KCNU1: variants seen among roughly 807,000 people sequenced by gnomAD.
KCNU1 encodes the protein potassium channel subfamily U member 1.
KCNU1 carries 93 observed loss-of-function variants against 126.8 expected under a neutral mutation model. That is an observed-to-expected ratio of 0.73 (90% CI 0.62 to 0.87). KCNU1 has a LOEUF of 0.87. Ranked by LOEUF, KCNU1 falls within the 40% of genes least tolerant of loss-of-function variation. The probability of loss-of-function intolerance (pLI) is 0.00; values close to 1 mark genes in which losing one functional copy is unlikely to be tolerated. For missense variants in KCNU1, 1,330 were observed against 1,367.1 expected (o/e 0.97, Z 0.43); for synonymous variants, 523 against 494.2 (o/e 1.06, Z -0.77).
Position 36,833,965 on chromosome 8 carries a change from C to A in KCNU1, c.1212+306C>A, listed in dbSNP as rs77228705. 0.019 allele frequency among the ~76,000 whole-genome samples: 2,871 copies of A among 152,232 alleles called. 238 individuals are homozygous for A. In the East Asian group the frequency reaches 0.27, roughly 14 times the overall value. On this transcript the variant is annotated intron_variant, in intron 11 of 26. Transcript: ENST00000399881. The stretch of plus-strand genomic sequence containing the variant: ...AGAGGTCTGAAAAAGGTATGGATAG[C>A]AAGGTGTGTTTGATCTTACCACACA...
chr8:36,915,177 T>C (rs1283870206), intron 22 of KCNU1, among the ~76,000 whole-genome samples: 1 of 152,126 alleles, frequency 6.6e-6, no homozygotes, highest in Non-Finnish European at 1.5e-5. Flanking sequence ...GAAAGTGGGG[T>C]TCAAAGGGGG....
At chr8:36,796,464 A>G (rs577253428) in intron 2 of KCNU1, among the ~76,000 whole-genome samples, 3 of 152,338 alleles carry the variant, frequency 2.0e-5, no homozygotes, top group East Asian at 1.9e-4. Context: ...AGCTTCATTT[A>G]TAATTTTTTA....
At position 36,801,823 on chromosome 8, in the gene KCNU1, T is replaced by C. The variant is rs370632959; in HGVS notation, c.316-2204T>C. 1.2e-4 allele frequency among the ~76,000 whole-genome samples: 18 copies of C among 151,990 alleles called. No individual in the cohort carries two copies. The East Asian group carries it at 3.1e-3, about 26-fold the overall frequency. On this transcript the variant is annotated intron_variant, in intron 2 of 26. Transcript: ENST00000399881. ...TAACCTAGATTTTTAAAATGGAACT[T>C]ACAGGGCCAAGTGCCGTGGCTCACA... is the stretch of plus-strand genomic sequence containing the variant.
At chr8:36,908,029 T>C (rs577443410) in intron 20 of KCNU1, among the ~76,000 whole-genome samples, 1 of 152,282 alleles carries the variant, frequency 6.6e-6, no homozygotes, top group East Asian at 1.9e-4. Context: ...CCAGAGAGGT[T>C]AAGTAATTTG....
chr8:36,919,271 C>T (rs1040382821), intron 23 of KCNU1, among the ~76,000 whole-genome samples: 3 of 152,052 alleles, frequency 2.0e-5, no homozygotes, highest in African/African-American at 7.2e-5. Flanking sequence ...TCCTTTCCAG[C>T]AGTGACACCA....
At chr8:36,814,549 C>T in intron 8 of KCNU1, 172 bp downstream of exon 8, 1 of 578,104 alleles carries the variant, frequency 1.7e-6, no homozygotes, top group Non-Finnish European at 3.0e-6. Context: ...ACTGCATCCC[C>T]TGGAGCTCAG....
intron 7 of KCNU1, among the ~76,000 whole-genome samples, chr8:36,812,764 A>G (rs2130452506): frequency 1.3e-5 from 2 of 152,308 alleles, no homozygotes; most frequent in South Asian, 4.1e-4. Context: ...GACCCACAGA[A>G]GGCTGCCATC....
chr8:36,867,732 A>G (rs1345292905), intron 19 of KCNU1, among the ~76,000 whole-genome samples: 1 of 152,148 alleles, frequency 6.6e-6, no homozygotes, highest in African/African-American at 2.4e-5. Flanking sequence ...ATTCTTTAGC[A>G]CAGCTGTAAA....
intron 19 of KCNU1, among the ~76,000 whole-genome samples, chr8:36,865,619 A>T (rs1454416280): frequency 6.6e-6 from 1 of 151,314 alleles, no homozygotes; most frequent in Non-Finnish European, 1.5e-5. Context: ...TTAAAAAAAA[A>T]AAAAAAATGA....
At chr8:36,797,099 C>T (rs564729249) in intron 2 of KCNU1, among the ~76,000 whole-genome samples, 5 of 152,176 alleles carry the variant, frequency 3.3e-5, no homozygotes, top group Admixed American at 2.0e-4. Flanking sequence ...CAGGAGATTT[C>T]GGTTCAAACA....
chr8:36,928,371 G>T (rs1028351971), intron 24 of KCNU1, among the ~76,000 whole-genome samples: 2 of 152,034 alleles, frequency 1.3e-5, no homozygotes, highest in African/African-American at 4.8e-5. Context: ...ATGGCCACAT[G>T]TTCTTAAACA....
chr8:36,872,965 G>GCTA (rs571475568), intron 19 of KCNU1, among the ~76,000 whole-genome samples: 78 of 152,216 alleles, frequency 5.1e-4, no homozygotes, highest in African/African-American at 1.9e-3. Flanking sequence ...TGTCATCCTA[G>GCTA]CTACCCAGGA....
intron 19 of KCNU1, among the ~76,000 whole-genome samples, chr8:36,883,396 A>G (rs755662367): frequency 5.9e-5 from 9 of 152,206 alleles, no homozygotes; most frequent in Non-Finnish European, 1.0e-4. Context: ...TAAGCTTTGA[A>G]CTTTATCATT....
At chr8:36,840,725 T>C (rs1053036146) in intron 15 of KCNU1, 150 bp downstream of exon 15, 71 of 682,622 alleles carry the variant, frequency 1.0e-4, no homozygotes, top group Non-Finnish European at 1.7e-4. Context: ...AAGTTTACAG[T>C]TGGGATGGGG....
intron 12 of KCNU1, among the ~76,000 whole-genome samples, chr8:36,835,489 G>A (rs1414823975): frequency 6.6e-6 from 1 of 152,014 alleles, no homozygotes; most frequent in Non-Finnish European, 1.5e-5. Flanking sequence ...TTACAGGCAT[G>A]TGCCACCACG....
chr8:36,883,075 G>T (rs1343764052), intron 19 of KCNU1, among the ~76,000 whole-genome samples: 1 of 152,112 alleles, frequency 6.6e-6, no homozygotes, highest in East Asian at 1.9e-4. Flanking sequence ...TAAGCATCAT[G>T]ATGTCTGTGT....
intron 1 of KCNU1, among the ~76,000 whole-genome samples, chr8:36,785,450 C>T (rs1208113843): frequency 6.6e-6 from 1 of 152,122 alleles, no homozygotes; most frequent in African/African-American, 2.4e-5. Flanking sequence ...TTGCTTAAAA[C>T]ATTTCTTTTA....
At chr8:36,885,723 G>A (rs1806674691) in intron 19 of KCNU1, among the ~76,000 whole-genome samples, 1 of 152,140 alleles carries the variant, frequency 6.6e-6, no homozygotes, top group African/African-American at 2.4e-5. Context: ...AACCCAGGAG[G>A]TGGAGGTTGT....
chr8:36,874,581 G>A (rs1008908916), intron 19 of KCNU1, among the ~76,000 whole-genome samples: 4 of 152,140 alleles, frequency 2.6e-5, no homozygotes, highest in Non-Finnish European at 4.4e-5. Context: ...TCCCTGAGCC[G>A]GGCTTCATCC....
Sources: allele counts gnomAD v4.1 joint callset (sites outside exome capture counted in the v4.1 genomes callset), GRCh38; gene constraint gnomAD v4.1.1; transcripts MANE v1.5; gene names NCBI Gene and HGNC (gene_info 2026-07-23, HGNC 2026-07-21).